The following POU2AF1 variants were observed in gnomAD, a reference collection of about 807,000 sequenced individuals.
The protein encoded by POU2AF1 is POU class 2 homeobox associating factor 1, also known as POU domain class 2-associating factor 1.
POU2AF1 carries 12 observed loss-of-function variants against 26.3 expected under a neutral mutation model. The observed-to-expected ratio is 0.46, with a 90% CI of 0.29 to 0.74. The LOEUF (loss-of-function observed/expected upper bound fraction) is 0.74. Ranked by LOEUF, POU2AF1 falls within the 30% of genes least tolerant of loss-of-function variation. The pLI is 0.09. For synonymous variants in POU2AF1, 175 were observed against 148.0 expected (o/e 1.18, Z -1.32); for missense variants, 297 against 334.5 (o/e 0.89, Z 0.87).
chr11:111,372,277 A>G (rs7104260), intron 1 of POU2AF1, among the ~76,000 whole-genome samples: 5,183 of 152,234 alleles, frequency 0.034, 122 homozygotes, highest in Middle Eastern at 0.14. Context: ...GCCTTTTATT[A>G]TAGCTAAAAT....
intron 1 of POU2AF1, among the ~76,000 whole-genome samples, chr11:111,378,680 C>A (rs1317583853): frequency 0.017 from 1 of 58 alleles, no homozygotes; most frequent in Non-Finnish European, 0.05. Context: ...TCCACAGGGA[C>A]AAGTCACACC....
chr11:111,358,440 T>TCACA (rs1565360853), intron 2 of POU2AF1, among the ~76,000 whole-genome samples: 1 of 47,704 alleles, frequency 2.1e-5, no homozygotes, highest in African/African-American at 6.2e-5. Flanking sequence ...TCACACTCAC[T>TCACA]CTCACACACA....
chr11:111,360,875 T>A (rs1057083868), intron 1 of POU2AF1, among the ~76,000 whole-genome samples: 2 of 146,324 alleles, frequency 1.4e-5, no homozygotes, highest in African/African-American at 2.6e-5. Context: ...ACCTGGGAGG[T>A]GGAGGTTGCA....
intron 1 of POU2AF1, among the ~76,000 whole-genome samples, chr11:111,369,105 C>A (rs995460378): frequency 2.0e-5 from 3 of 152,148 alleles, no homozygotes. Flanking sequence ...ACCTGGAATC[C>A]CCAGGCAGCA....
chr11:111,361,037 C>T (rs1040126478), intron 1 of POU2AF1, among the ~76,000 whole-genome samples: 10 of 152,036 alleles, frequency 6.6e-5, no homozygotes, highest in African/African-American at 9.7e-5. Flanking sequence ...AAGAATCTCC[C>T]GATAACATCC....
Position 111,352,997 on chromosome 11 carries a change from G to GGAAGGAAGGAAGGAAA in POU2AF1, c.*1263_*1264insTTTCCTTCCTTCCTTC, listed in dbSNP as rs1860761728. 3.0e-5 allele frequency: 1 copy of GGAAGGAAGGAAGGAAA among 32,970 alleles called. No homozygotes were observed. Among genetic ancestry groups the GGAAGGAAGGAAGGAAA allele is most frequent in the African/African-American group, 1.1e-4 (1 of 9,026 alleles). 2.0% of individuals were successfully genotyped at this position (32,970 alleles called of 1,614,324 possible). On this transcript the variant is annotated 3_prime_UTR_variant, in exon 5 of 5. Transcript: ENST00000393067. ...AGGAAGGAAGGAAGGAAGGAAAGAA[G>GGAAGGAAGGAAGGAAA]GAAGGAAGGAAGGAAGGAAGGAAGG... is the stretch of plus-strand genomic sequence containing the variant.
intron 1 of POU2AF1, among the ~76,000 whole-genome samples, chr11:111,362,060 A>T (rs543611199): frequency 2.5e-4 from 38 of 152,150 alleles, no homozygotes; most frequent in Non-Finnish European, 5.1e-4. Flanking sequence ...CCCAGCGATG[A>T]CCACAGGCCC....
intron 1 of POU2AF1, 110 bp downstream of exon 1, chr11:111,379,052 C>T: frequency 7.3e-7 from 1 of 1,361,562 alleles, no homozygotes; most frequent in Non-Finnish European, 1.0e-6. Context: ...ACCCCCTCCC[C>T]CCGTGGCCCC....
intron 1 of POU2AF1, among the ~76,000 whole-genome samples, chr11:111,367,885 C>T (rs1312589984): frequency 6.6e-6 from 1 of 152,196 alleles, no homozygotes; most frequent in East Asian, 1.9e-4. Context: ...ACAGGTCCAC[C>T]TGAGAAAGCA....
intron 1 of POU2AF1, among the ~76,000 whole-genome samples, chr11:111,372,462 C>G (rs548230865): frequency 1.3e-5 from 2 of 152,168 alleles, no homozygotes; most frequent in East Asian, 1.9e-4. Context: ...GTGCTTTTAC[C>G]AAGAATACTT....
chr11:111,358,717 C>T, intron 2 of POU2AF1, 71 bp downstream of exon 2: 4 of 1,511,622 alleles, frequency 2.6e-6, no homozygotes, highest in Non-Finnish European at 3.6e-6. Context: ...CATACACTCT[C>T]ACACTATCCC....
chr11:111,373,630 G>A (rs1226539164), intron 1 of POU2AF1, among the ~76,000 whole-genome samples: 3 of 152,204 alleles, frequency 2.0e-5, no homozygotes, highest in African/African-American at 7.2e-5. Flanking sequence ...AAATTAGCCA[G>A]GAAAAGGCAA....
At chr11:111,373,196 C>T (rs1404972975) in intron 1 of POU2AF1, among the ~76,000 whole-genome samples, 5 of 152,226 alleles carry the variant, frequency 3.3e-5, no homozygotes, top group African/African-American at 1.2e-4. Flanking sequence ...ATTTTGTATA[C>T]TGCATAGCAC....
rs1268779151 is a variant in POU2AF1, at chr11:111,372,057, C to CAGAG, written c.16+7104_16+7105insCTCT. ...ACACACACACACACACACACACACA[C>CAGAG]ACACACACACACAGAGAGAGAGAGA... On this transcript the variant is annotated intron_variant, in intron 1 of 4. Coordinates refer to ENST00000393067, the MANE Select transcript of POU2AF1 (RefSeq NM_006235.3). 2.5e-3 allele frequency among the ~76,000 whole-genome samples: 357 copies of CAGAG among 143,102 alleles called. 1 individual carries two copies. Among genetic ancestry groups the CAGAG allele is most frequent in the African/African-American group, 9.4e-3 (346 of 36,696 alleles). The allele number at this position is 143,102 out of a possible 152,430, so 93.9% of individuals were successfully genotyped here.
At chr11:111,365,732 C>A (rs1159850587) in intron 1 of POU2AF1, among the ~76,000 whole-genome samples, 1 of 152,138 alleles carries the variant, frequency 6.6e-6, no homozygotes, top group Non-Finnish European at 1.5e-5. Context: ...TGGCAGGAGC[C>A]TGTAATCTCA....
At position 111,363,729 on chromosome 11, in the gene POU2AF1, T is replaced by C. The variant is rs11213856; in HGVS notation, c.17-4811A>G. The C allele has an allele frequency of 7.6e-5, 56 of 740,952 alleles. No individual in the cohort carries two copies. In the East Asian group the frequency reaches 5.6e-3, roughly 74 times the overall value. The allele number at this position is 740,952 out of a possible 1,614,324, so 45.9% of individuals were successfully genotyped here. A position where few individuals can be genotyped will look rare whatever the true frequency, so the allele number is the denominator to read the frequency against. On this transcript the variant is annotated intron_variant, in intron 1 of 4. Coordinates refer to ENST00000393067, the MANE Select transcript of POU2AF1 (RefSeq NM_006235.3). The stretch of plus-strand genomic sequence containing the variant: ...AATAATAAGATATCAGCAGAGAAGA[T>C]AGAAGCCCAATTTCCCACAGTAGAG...
At position 111,368,693 on chromosome 11, in the gene POU2AF1, G is replaced by A. The variant is rs938529398; in HGVS notation, c.17-9775C>T. Among the ~76,000 whole-genome samples, 12 of 152,320 alleles carry A rather than the reference G, an allele frequency of 7.9e-5. No individual in the cohort carries two copies. In the East Asian group the frequency reaches 1.9e-3, roughly 24 times the overall value. ...ATTGAGAAGCAGTGTGGTACAGTTT[G>A]GGACTAGACCTAGTTTAGAAAGCCT... On this transcript the variant is annotated intron_variant, in intron 1 of 4. Coordinates refer to ENST00000393067, the MANE Select transcript of POU2AF1 (RefSeq NM_006235.3).
In POU2AF1 at chr11:111,353,923, G is replaced by GAGA. The variant is rs1860786517; in HGVS notation, c.*335_*337dup. 6 of 310,432 alleles carry GAGA rather than the reference G, an allele frequency of 1.9e-5. No individual in the cohort carries two copies. The South Asian group carries it at 3.0e-4, about 15-fold the overall frequency. The allele number at this position is 310,432 out of a possible 1,614,324, so 19.2% of individuals were successfully genotyped here. A position where few individuals can be genotyped will look rare whatever the true frequency, so the allele number is the denominator to read the frequency against. On this transcript the variant is annotated 3_prime_UTR_variant, in exon 5 of 5. Transcript: ENST00000393067. ...AGGGAGGGAGGTAAAGAAGGAAAGG[G>GAGA]AGAAGGGAAGGAGGGAAGGAAGGGA...
At chr11:111,359,134 C>A (rs902054700) in intron 1 of POU2AF1, 2 of 744,146 alleles carry the variant, frequency 2.7e-6, no homozygotes, top group South Asian at 1.9e-5. Flanking sequence ...GGCCCAGCTC[C>A]TTGTCCTAGA....
Sources: gnomAD v4.1 joint callset for allele counts (sites outside exome capture counted in the v4.1 genomes callset) on GRCh38, gnomAD v4.1.1 for gene constraint, MANE v1.5 for transcripts, NCBI Gene and HGNC (gene_info 2026-07-23, HGNC 2026-07-21) for gene names.